KIF14: variants seen among roughly 807,000 people sequenced by gnomAD.
The protein encoded by KIF14 is kinesin family member 14.
In KIF14, 98 loss-of-function variants were observed where a neutral mutation model predicts 176.2. That is an observed-to-expected ratio of 0.56 (90% CI 0.47 to 0.66). The LOEUF (loss-of-function observed/expected upper bound fraction) is 0.66. Ranked by LOEUF, KIF14 falls within the 30% of genes least tolerant of loss-of-function variation. The pLI, the probability that KIF14 is intolerant of heterozygous loss-of-function variation, is 0.00. For missense variants in KIF14, 1,751 were observed against 1,920.4 expected (o/e 0.91, Z 1.65); for synonymous variants, 566 against 632.2 (o/e 0.90, Z 1.57).
chr1:200,589,522 A>AAATATCACTAGTCAAACGT (rs75982554), intron 17 of KIF14, among the ~76,000 whole-genome samples, 153 bp from the exon 18 acceptor site: 1 of 151,742 alleles, frequency 6.6e-6, no homozygotes, highest in Non-Finnish European at 1.5e-5. Flanking sequence ...AACTAAAAAT[A>AAATATCACTAGTCAAACGT]CTTAAGAGTA....
At chr1:200,582,009 A>G (rs1658489029) in intron 19 of KIF14, among the ~76,000 whole-genome samples, 1 of 152,002 alleles carries the variant, frequency 6.6e-6, no homozygotes, top group Non-Finnish European at 1.5e-5. Flanking sequence ...GGCTTAAGCA[A>G]TCTACCTGCC....
intron 6 of KIF14, 61 bp from the exon 7 acceptor site, chr1:200,605,955 T>C: frequency 1.1e-6 from 1 of 916,528 alleles, no homozygotes; most frequent in South Asian, 1.7e-5. Flanking sequence ...CTTGTTCTCA[T>C]AAAACAATAA....
chr1:200,565,097 A>G lies in KIF14; in HGVS notation c.4043T>C (p.Leu1348Pro), dbSNP rs1448701326. ...CAAAAATAACTGTAAGTAGCCTCCCAGTTTTTTAACTTCTTGTCTCAACTC... is the reference window on the plus strand; with the variant it reads ...CAAAAATAACTGTAAGTAGCCTCCCGGTTTTTTAACTTCTTGTCTCAACTC... ...EDELRQEVKK[L>P]GGYLQLFLQG... The change falls in exon 25 of 30, where the codon CTG becomes CCG. Residue 1348 changes from leucine (L) to proline (P), a missense_variant. Leu to Pro is a moderately conservative substitution (Grantham distance 98). Transcript: ENST00000367350. 2 of 1,610,798 alleles carry G rather than the reference A, an allele frequency of 1.2e-6. No individual in the cohort carries two copies. Among genetic ancestry groups the G allele is most frequent in the Non-Finnish European group, 8.5e-7 (1 of 1,179,058 alleles).
intron 21 of KIF14, among the ~76,000 whole-genome samples, chr1:200,576,403 G>A (rs1331857035): frequency 4.6e-5 from 7 of 151,250 alleles, no homozygotes; most frequent in African/African-American, 7.3e-5. Context: ...GCGTGAACCC[G>A]GGAGGCGGAG....
At chr1:200,599,541 C>G (rs754266030) in intron 13 of KIF14, among the ~76,000 whole-genome samples, 1 of 152,208 alleles carries the variant, frequency 6.6e-6, no homozygotes, top group Admixed American at 6.5e-5. Flanking sequence ...AGTACTCCCC[C>G]ACTACCAATC....
chr1:200,559,428 C>A lies in KIF14; in HGVS notation c.4255G>T (p.Asp1419Tyr), dbSNP rs1418199165. 6.5e-7 allele frequency: 1 copy of A among 1,548,038 alleles called. No homozygotes were observed. The highest frequency in any genetic ancestry group is 8.7e-7 in the Non-Finnish European group (1 of 1,149,092). Residue 1419 changes from aspartate to tyrosine, a missense_variant, in exon 27 of 30, where the codon GAT becomes TAT. Physicochemically the swap from Asp to Tyr is radical, Grantham distance 160 (BLOSUM62 -3). Transcript: ENST00000367350. Reference sequence around the variant, plus strand: ...ATCTTCATTCCTAAGCCTACACCATCACAAACAGCATCCATGAATTCCTCC... The same window carrying A: ...ATCTTCATTCCTAAGCCTACACCATAACAAACAGCATCCATGAATTCCTCC... ...VQEEFMDAVCDGVGLGMKILL... is the reference protein window; with the variant it reads ...VQEEFMDAVCYGVGLGMKILL...
intron 14 of KIF14, among the ~76,000 whole-genome samples, chr1:200,595,932 CAAAA>C (rs35375679): frequency 3.8e-5 from 2 of 52,250 alleles, no homozygotes. Flanking sequence ...ACTCCATCTC[CAAAA>C]AAAAAAAAAA....
rs1359959186 is a variant in KIF14, at chr1:200,603,261, A to G, written c.1944T>C (p.Ser648=). 2 of 1,607,898 alleles carry G rather than the reference A, an allele frequency of 1.2e-6. No individual in the cohort carries two copies. Among genetic ancestry groups the G allele is most frequent in the South Asian group, 1.1e-5 (1 of 90,492 alleles). ...SALSEQANQR[S]VFIPYRESVL... ...CAGATTCACGATAAGGAATAAAAAC[A>G]CTCCTTTGGTTTGCTTGTTCCGAAA... Residue 648 remains serine, a synonymous_variant, in exon 10 of 30, where the codon AGT becomes AGC. Transcript: ENST00000367350.
Position 200,565,092 on chromosome 1 carries a change from C to T in KIF14, c.4048G>A (p.Gly1350Ser). 1 of 1,609,578 alleles carries T rather than the reference C, an allele frequency of 6.2e-7. No individual in the cohort carries two copies. ...ACCTGCAAAAATAACTGTAAGTAGCCTCCCAGTTTTTTAACTTCTTGTCTC... is the reference window on the plus strand; with the variant it reads ...ACCTGCAAAAATAACTGTAAGTAGCTTCCCAGTTTTTTAACTTCTTGTCTC... ...ELRQEVKKLG[G>S]YLQLFLQGCC... Residue 1350 changes from glycine to serine, a missense_variant, in exon 25 of 30, where the codon GGC (glycine) becomes AGC (serine). Coordinates refer to ENST00000367350, the MANE Select transcript of KIF14 (RefSeq NM_014875.3).
chr1:200,589,672 T>C (rs1470847816), intron 17 of KIF14, among the ~76,000 whole-genome samples: 1 of 50,138 alleles, frequency 2.0e-5, no homozygotes, highest in Non-Finnish European at 3.1e-5. Flanking sequence ...AACTTTTTTC[T>C]TTTTTTTTTT....
intron 2 of KIF14, among the ~76,000 whole-genome samples, chr1:200,617,305 AGCATATATT>A (rs1217322143): frequency 4.6e-5 from 7 of 152,206 alleles, no homozygotes; most frequent in Admixed American, 4.6e-4. Context: ...ATAACATTCC[AGCATATATT>A]GCAGATCTGA....
chr1:200,604,662 T>G (rs1037423577), intron 8 of KIF14, among the ~76,000 whole-genome samples: 13 of 152,096 alleles, frequency 8.5e-5, no homozygotes, highest in African/African-American at 2.7e-4. Flanking sequence ...TAATGGAATA[T>G]TATATAGCTA....
At chr1:200,620,114 C>CA (rs1223783924) in intron 1 of KIF14, among the ~76,000 whole-genome samples, 3 of 151,726 alleles carry the variant, frequency 2.0e-5, no homozygotes, top group Non-Finnish European at 2.9e-5. Flanking sequence ...ACAGTCATTA[C>CA]AAAAAAAATT....
rs1656609529 is a variant in KIF14, at chr1:200,552,911, TATATTTTATTTA to T, written c.*465_*476del. 1 of 130,800 alleles carries T rather than the reference TATATTTTATTTA, an allele frequency of 7.6e-6. No homozygotes were observed. The highest frequency in any genetic ancestry group is 3.1e-5 in the African/African-American group (1 of 32,594). 8.1% of individuals were successfully genotyped at this position (130,800 alleles called of 1,614,324 possible). A position where few individuals can be genotyped will look rare whatever the true frequency, so the allele number is the denominator to read the frequency against. ...ATGTTAAACACTTTAAAGATAAAAA[TATATTTTATTTA>T]TTTATTTATTTATTTATTTATTTAT... On this transcript the variant is annotated 3_prime_UTR_variant, in exon 30 of 30. Coordinates refer to ENST00000367350, the MANE Select transcript of KIF14 (RefSeq NM_014875.3).
Position 200,605,948 on chromosome 1 carries a change from G to A in KIF14, c.1608-54C>T, listed in dbSNP as rs16846982. On this transcript the variant is annotated intron_variant, in intron 6 of 29. Coordinates refer to ENST00000367350, the MANE Select transcript of KIF14 (RefSeq NM_014875.3). The stretch of plus-strand genomic sequence containing the variant: ...CAATTTTACTGATGATTATACTCTT[G>A]TTCTCATAAAACAATAACATTTCAA... 2.1e-3 allele frequency: 2,141 copies of A among 1,011,256 alleles called. 22 individuals carry two copies. In the African/African-American group the frequency reaches 0.027, roughly 13 times the overall value. The allele number at this position is 1,011,256 out of a possible 1,614,324, so 62.6% of individuals were successfully genotyped here. A position where few individuals can be genotyped will look rare whatever the true frequency, so the allele number is the denominator to read the frequency against.
rs1656642707 is a variant in KIF14, at chr1:200,553,234, C to G, written c.*154G>C. 1 of 816,082 alleles carries G rather than the reference C, an allele frequency of 1.2e-6. No individual in the cohort carries two copies. The highest frequency in any genetic ancestry group is 1.7e-5 in the African/African-American group (1 of 57,282). The allele number at this position is 816,082 out of a possible 1,614,324, so 50.6% of individuals were successfully genotyped here. ...TACAGGCGTGAGCCACTGTGTCTGG[C>G]CTTTGATAAATAGATATTTTAAAGA... On this transcript the variant is annotated 3_prime_UTR_variant, in exon 30 of 30. Transcript: ENST00000367350.
At position 200,598,255 on chromosome 1, in the gene KIF14, A is replaced by G; in HGVS notation, c.2531T>C (p.Leu844Pro). 1 of 1,612,448 alleles carries G rather than the reference A, an allele frequency of 6.2e-7. No individual in the cohort carries two copies. Among genetic ancestry groups the G allele is most frequent in the South Asian group, 1.1e-5 (1 of 90,540 alleles). The part of the protein sequence containing the change: ...SSHDIQLSGV[L>P]IADDHCTIKN... ...AACATACCAATGATCATCAGCAATC[A>G]GCACCCCAGATAACTGAATATCATG... is the stretch of plus-strand genomic sequence containing the variant. The change falls in exon 14 of 30, where the codon CTG becomes CCG. Residue 844 changes from leucine (L) to proline (P), a missense_variant. Leu to Pro is a moderately conservative substitution (Grantham distance 98, BLOSUM62 -3). Transcript: ENST00000367350.
intron 2 of KIF14, among the ~76,000 whole-genome samples, chr1:200,616,529 G>A (rs1007706166): frequency 1.3e-5 from 2 of 151,990 alleles, no homozygotes; most frequent in African/African-American, 4.8e-5. Flanking sequence ...CCATTTGCAC[G>A]AAAAAGATTC....
chr1:200,600,002 G>T, intron 13 of KIF14, 48 bp downstream of exon 13: 2 of 1,100,262 alleles, frequency 1.8e-6, no homozygotes, highest in Non-Finnish European at 2.7e-6. Context: ...TTTATTTCTT[G>T]GCATATTTCT....
Sources: allele counts gnomAD v4.1 joint callset (sites outside exome capture counted in the v4.1 genomes callset), GRCh38; gene constraint gnomAD v4.1.1; transcripts MANE v1.5; gene names NCBI Gene and HGNC (gene_info 2026-07-23, HGNC 2026-07-21).